The following ANTXR2 variants were observed in gnomAD, a reference collection of about 807,000 sequenced individuals.
ANTXR2 encodes the protein anthrax toxin receptor 2.
In ANTXR2, 44 loss-of-function variants were observed where a neutral mutation model predicts 73.7. That is an observed-to-expected ratio of 0.60 (90% CI 0.47 to 0.77). The LOEUF (loss-of-function observed/expected upper bound fraction) is 0.77. Among genes scored for constraint, ANTXR2 ranks in the 30% least tolerant of loss-of-function variants. ANTXR2 has a pLI of 0.00. For missense variants in ANTXR2, 604 were observed against 592.5 expected, an observed-to-expected ratio of 1.02 and a Z score of -0.20; for synonymous variants, 217 against 205.9, an observed-to-expected ratio of 1.05 and a Z score of -0.46.
At chr4:79,933,463 T>A (rs1462440394) in intron 16 of ANTXR2, among the ~76,000 whole-genome samples, 2 of 152,220 alleles carry the variant, frequency 1.3e-5, no homozygotes, top group Non-Finnish European at 2.9e-5. Flanking sequence ...AAATCTGAAG[T>A]TACCTTTTAT....
At chr4:79,964,866 T>A (rs12508279) in intron 16 of ANTXR2, 84,690 of 152,098 alleles carry the variant, frequency 0.56, 26,349 homozygotes, top group East Asian at 0.96. Context: ...AACATTCATG[T>A]CTCGGAGGAC....
intron 16 of ANTXR2, among the ~76,000 whole-genome samples, chr4:79,911,033 C>T (rs376255658): frequency 1.3e-4 from 20 of 152,298 alleles, no homozygotes; most frequent in Admixed American, 8.5e-4. Context: ...CAGATAGCAT[C>T]GTCCTTCAAC....
At chr4:79,913,698 GAATGCT>G (rs1727235609) in intron 16 of ANTXR2, among the ~76,000 whole-genome samples, 1 of 152,066 alleles carries the variant, frequency 6.6e-6, no homozygotes, top group African/African-American at 2.4e-5. Flanking sequence ...ACTCTAAGTG[GAATGCT>G]AGCCATTTAT....
At chr4:80,004,636 T>C (rs1210063655) in intron 12 of ANTXR2, among the ~76,000 whole-genome samples, 1 of 152,188 alleles carries the variant, frequency 6.6e-6, no homozygotes, top group East Asian at 1.9e-4. Context: ...TCCCTCTGTC[T>C]CCCTTTTATA....
intron 14 of ANTXR2, among the ~76,000 whole-genome samples, chr4:79,982,389 T>C (rs187052827): frequency 4.0e-4 from 61 of 152,286 alleles, no homozygotes; most frequent in Admixed American, 4.0e-3. Flanking sequence ...TATAGATCTT[T>C]TTACACACAC....
intron 16 of ANTXR2, among the ~76,000 whole-genome samples, chr4:79,927,294 C>CACACACACACACACACACA (rs1553926038): frequency 2.0e-5 from 3 of 150,216 alleles, no homozygotes; most frequent in African/African-American, 7.4e-5. Context: ...GGAGCTCTTA[C>CACACACACACACACACACA]CACACACACA....
intron 16 of ANTXR2, among the ~76,000 whole-genome samples, chr4:79,955,875 A>G (rs1051137333): frequency 6.6e-6 from 1 of 152,100 alleles, no homozygotes; most frequent in African/African-American, 2.4e-5. Flanking sequence ...CTTCCTTCCT[A>G]TAACTCACTT....
chr4:79,954,496 G>A (rs1421828160), intron 16 of ANTXR2, among the ~76,000 whole-genome samples: 1 of 152,106 alleles, frequency 6.6e-6, no homozygotes, highest in East Asian at 1.9e-4. Context: ...TGTAGTTCTA[G>A]CTACTCAGGA....
At chr4:79,913,458 A>G (rs1727223865) in intron 16 of ANTXR2, among the ~76,000 whole-genome samples, 1 of 152,180 alleles carries the variant, frequency 6.6e-6, no homozygotes, top group Non-Finnish European at 1.5e-5. Context: ...GCACACATGT[A>G]CAACCTACCT....
intron 7 of ANTXR2, among the ~76,000 whole-genome samples, chr4:80,044,850 T>C (rs1392462590): frequency 1.3e-5 from 2 of 151,794 alleles, no homozygotes; most frequent in Non-Finnish European, 2.9e-5. Flanking sequence ...TAGCGCAATA[T>C]CTTATGAATA....
chr4:79,954,908 A>G (rs1211769038), intron 16 of ANTXR2, among the ~76,000 whole-genome samples: 1 of 152,198 alleles, frequency 6.6e-6, no homozygotes, highest in East Asian at 1.9e-4. Context: ...TTTTCATTTA[A>G]CATTTGTCCA....
rs771513152 is a variant in ANTXR2, at chr4:80,069,468, T to C, written c.264A>G (p.Gln88=). The C allele has an allele frequency of 6.2e-6, 10 of 1,606,234 alleles. No homozygotes were observed. The East Asian group carries it at 1.6e-4, about 25-fold the overall frequency. Residue 88 remains glutamine, a synonymous_variant, in exon 3 of 17, where the codon CAA becomes CAG. Coordinates refer to ENST00000403729, the MANE Select transcript of ANTXR2 (RefSeq NM_058172.6). ...MRLSFIVFSS[Q]ATIILPLTGD... Reference sequence around the variant, plus strand: ...CAGTTAATGGCAAAATAATAGTTGCTTGAGAAGAAAACACAATGAAAGATA... The same window carrying C: ...CAGTTAATGGCAAAATAATAGTTGCCTGAGAAGAAAACACAATGAAAGATA...
At chr4:79,964,952 A>C (rs1023153357) in intron 16 of ANTXR2, 2 of 152,198 alleles carry the variant, frequency 1.3e-5, no homozygotes, top group African/African-American at 2.4e-5. Context: ...TGGCGCGCGG[A>C]AGAGAGCGCG....
intron 10 of ANTXR2, among the ~76,000 whole-genome samples, chr4:80,031,082 G>A (rs1732668165): frequency 2.0e-5 from 3 of 151,944 alleles, no homozygotes; most frequent in South Asian, 4.1e-4. Context: ...CCACACAAAA[G>A]AAGATGAAAA....
intron 16 of ANTXR2, among the ~76,000 whole-genome samples, chr4:79,958,338 T>C (rs948908992): frequency 2.6e-5 from 4 of 152,124 alleles, no homozygotes; most frequent in African/African-American, 9.6e-5. Flanking sequence ...AATGAAAATA[T>C]TTTATCACAC....
chr4:80,066,651 C>T (rs187803951), intron 3 of ANTXR2, among the ~76,000 whole-genome samples: 6 of 152,312 alleles, frequency 3.9e-5, no homozygotes, highest in East Asian at 1.9e-4. Context: ...CTCTTGAAAA[C>T]TTATATACCA....
chr4:79,965,750 T>C lies in ANTXR2; in HGVS notation c.1428+11871A>G, dbSNP rs374754889. On this transcript the variant is annotated intron_variant, in intron 16 of 16. Coordinates refer to ENST00000403729, the MANE Select transcript of ANTXR2 (RefSeq NM_058172.6). ...ACAATAACATTTGTTCCAGTGAACT[T>C]TTTGCTATGCATAGACAATTCTTTT... Among the ~76,000 whole-genome samples the C allele has an allele frequency of 5.3e-5, 8 of 152,300 alleles. No homozygotes were observed. The East Asian group carries it at 1.4e-3, about 26-fold the overall frequency.
At chr4:80,008,260 T>G (rs1691967740) in intron 12 of ANTXR2, among the ~76,000 whole-genome samples, 2 of 152,162 alleles carry the variant, frequency 1.3e-5, no homozygotes, top group African/African-American at 2.4e-5. Context: ...GAAAATACCC[T>G]TTATCCCAAC....
chr4:80,072,316 C>T (rs1036615004), intron 1 of ANTXR2, 93 bp downstream of exon 1: 8 of 1,392,420 alleles, frequency 5.7e-6, no homozygotes, highest in Non-Finnish European at 7.6e-6. Context: ...TCCAACACCA[C>T]TCCCCGGGGT....
Sources: allele counts gnomAD v4.1 joint callset (sites outside exome capture counted in the v4.1 genomes callset), GRCh38; gene constraint gnomAD v4.1.1; transcripts MANE v1.5; gene names NCBI Gene and HGNC (gene_info 2026-07-23, HGNC 2026-07-21).